The following CSN1S1 variants were observed in gnomAD, a reference collection of about 807,000 sequenced individuals.
CSN1S1 encodes the protein casein alpha s1, also known as alpha-S1-casein.
Under a neutral mutation model 49.1 loss-of-function variants are expected in CSN1S1, and 63 were observed. The observed-to-expected ratio is 1.28, with a 90% confidence interval of 1.05 to 1.58. The LOEUF (loss-of-function observed/expected upper bound fraction) is 1.58, where lower values mean the gene tolerates loss of function less well. Ranked by LOEUF, CSN1S1 falls within the 40% of genes most tolerant of loss-of-function variation. CSN1S1 has a pLI of 0.00. For missense variants in CSN1S1, 260 were observed against 224.7 expected, an observed-to-expected ratio of 1.16 and a Z score of -1.01; for synonymous variants, 78 against 67.1, an observed-to-expected ratio of 1.16 and a Z score of -0.79.
At chr4:69,933,441 C>G (rs1256319467) in intron 2 of CSN1S1, among the ~76,000 whole-genome samples, 2 of 151,940 alleles carry the variant, frequency 1.3e-5, no homozygotes, top group Non-Finnish European at 2.9e-5. Flanking sequence ...TCTCTAAATT[C>G]TCCTTTGGAA....
At chr4:69,939,017 C>T (rs1722892551) in intron 9 of CSN1S1, among the ~76,000 whole-genome samples, 159 bp from the exon 10 acceptor site, 1 of 151,728 alleles carries the variant, frequency 6.6e-6, no homozygotes, top group Non-Finnish European at 1.5e-5. Context: ...AAAATTCACA[C>T]TCCAAGAAAA....
At chr4:69,939,983 G>A (rs191775048) in intron 10 of CSN1S1, 38 bp from the exon 11 acceptor site, 39 of 1,211,690 alleles carry the variant, frequency 3.2e-5, no homozygotes, top group East Asian at 3.1e-4. Flanking sequence ...AATTAATGTC[G>A]TGAAATTAAA....
chr4:69,943,622 T>A (rs1723054350), intron 14 of CSN1S1, among the ~76,000 whole-genome samples: 1 of 152,076 alleles, frequency 6.6e-6, no homozygotes, highest in South Asian at 2.1e-4. Flanking sequence ...TGTTTTGTGC[T>A]GCTATAGCGG....
In CSN1S1 at chr4:69,935,968, A is replaced by G; in HGVS notation, c.129+19A>G. The stretch of plus-strand genomic sequence containing the variant: ...AAGAGAGGTAAGAATGACTCCACAG[A>G]ATTTACCGTGCAATTAACAAAGAGA... On this transcript the variant is annotated intron_variant, in intron 5 of 15. Coordinates refer to ENST00000246891, the MANE Select transcript of CSN1S1 (RefSeq NM_001890.2). 6.5e-7 allele frequency: 1 copy of G among 1,531,630 alleles called. No homozygotes were observed. The highest frequency in any genetic ancestry group is 8.9e-7 in the Non-Finnish European group (1 of 1,129,656). 94.9% of individuals were successfully genotyped at this position (1,531,630 alleles called of 1,614,324 possible).
chr4:69,946,261 G>T lies in CSN1S1; in HGVS notation c.*65G>T. The T allele has an allele frequency of 2.2e-6, 1 of 457,328 alleles. No individual in the cohort carries two copies. The highest frequency in any genetic ancestry group is 4.3e-5 in the South Asian group (1 of 23,488). The allele number at this position is 457,328 out of a possible 1,614,324, so 28.3% of individuals were successfully genotyped here. On this transcript the variant is annotated 3_prime_UTR_variant, in exon 16 of 16. Coordinates refer to ENST00000246891, the MANE Select transcript of CSN1S1 (RefSeq NM_001890.2). ...GGAAAACCATCTTATCTGAAGACTG[G>T]ACTGTTGTTTTAGAATAGTAAAATC...
At position 69,941,010 on chromosome 4, in the gene CSN1S1, T is replaced by C; in HGVS notation, c.301-9T>C. The stretch of plus-strand genomic sequence containing the variant: ...CCAAGCAATTGAGAATATTTTTCTT[T>C]TTAAATAGGAACAGTTTTGTAGACT... On this transcript the variant is annotated splice_polypyrimidine_tract_variant and intron_variant, in intron 11 of 15. Coordinates refer to ENST00000246891, the MANE Select transcript of CSN1S1 (RefSeq NM_001890.2). The C allele has an allele frequency of 1.4e-6, 2 of 1,476,722 alleles. No homozygotes were observed. Among genetic ancestry groups the C allele is most frequent in the Non-Finnish European group, 1.9e-6 (2 of 1,079,032 alleles). 91.5% of individuals were successfully genotyped at this position (1,476,722 alleles called of 1,614,324 possible).
chr4:69,942,452 A>G (rs1473743759), intron 13 of CSN1S1, 84 bp from the exon 14 acceptor site: 2 of 1,039,226 alleles, frequency 1.9e-6, no homozygotes, highest in Non-Finnish European at 2.9e-6. Context: ...GAATGATGTT[A>G]TGTATACTTC....
Position 69,936,446 on chromosome 4 carries a change from T to C in CSN1S1, c.130-10T>C. 1 of 1,537,422 alleles carries C rather than the reference T, an allele frequency of 6.5e-7. No homozygotes were observed. Among genetic ancestry groups the C allele is most frequent in the East Asian group, 2.3e-5 (1 of 44,328 alleles). ...CTAATATTGTTTATGTTTTCTTTTTTATCCCTAAGGAATACATGAATGGTA... is the reference window on the plus strand; with the variant it reads ...CTAATATTGTTTATGTTTTCTTTTTCATCCCTAAGGAATACATGAATGGTA... On this transcript the variant is annotated splice_polypyrimidine_tract_variant and intron_variant, in intron 5 of 15. Transcript: ENST00000246891.
Position 69,938,813 on chromosome 4 carries a change from TA to T in CSN1S1, c.244-361del, listed in dbSNP as rs1722887402. 7.2e-5 allele frequency among the ~76,000 whole-genome samples: 11 copies of T among 151,878 alleles called. No homozygotes were observed. In the South Asian group the frequency reaches 2.3e-3, roughly 31 times the overall value. On this transcript the variant is annotated intron_variant, in intron 9 of 15. Coordinates refer to ENST00000246891, the MANE Select transcript of CSN1S1 (RefSeq NM_001890.2). The stretch of plus-strand genomic sequence containing the variant: ...CCAAGGACAGATGAGAACAGATGTT[TA>T]ACCCAGGGTTCTGGGTACCCAGCTA...
In CSN1S1 at chr4:69,936,451, C is replaced by T; in HGVS notation, c.130-5C>T. 2 of 1,544,084 alleles carry T rather than the reference C, an allele frequency of 1.3e-6. No individual in the cohort carries two copies. The highest frequency in any genetic ancestry group is 1.8e-6 in the Non-Finnish European group (2 of 1,120,504). ...ATTGTTTATGTTTTCTTTTTTATCC[C>T]TAAGGAATACATGAATGGTATGAAC... is the stretch of plus-strand genomic sequence containing the variant. On this transcript the variant is annotated splice_region_variant and splice_polypyrimidine_tract_variant and intron_variant, in intron 5 of 15. Transcript: ENST00000246891.
Position 69,934,357 on chromosome 4 carries a change from TTTC to T in CSN1S1, c.84+116_84+118del, listed in dbSNP as rs201048691. 3 of 1,038,702 alleles carry T rather than the reference TTTC, an allele frequency of 2.9e-6. No individual in the cohort carries two copies. In the East Asian group the frequency reaches 7.4e-5, roughly 25 times the overall value. 64.3% of individuals were successfully genotyped at this position (1,038,702 alleles called of 1,614,324 possible). ...CTGCTTCACTTTTGCTGACGCATCA[TTTC>T]TTTAGTTCAAGCACTGTCAGATGGT... On this transcript the variant is annotated intron_variant, in intron 3 of 15. Coordinates refer to ENST00000246891, the MANE Select transcript of CSN1S1 (RefSeq NM_001890.2).
rs10011226 is a variant in CSN1S1 at position 69,935,723 on chromosome 4, C to A, written c.106-203C>A. On this transcript the variant is annotated intron_variant, in intron 4 of 15. Transcript: ENST00000246891. ...AAACACTCTGCTCTCCTTTCCGTGA[C>A]GTATGTAGAGGTTTACAATTTCCTC... is the stretch of plus-strand genomic sequence containing the variant. 2.2e-3 allele frequency among the ~76,000 whole-genome samples: 339 copies of A among 152,144 alleles called. 2 individuals carry two copies. Among genetic ancestry groups the A allele is most frequent in the African/African-American group, 7.7e-3 (320 of 41,526 alleles).
chr4:69,934,615 T>A (rs772764928), intron 3 of CSN1S1, 75 bp from the exon 4 acceptor site: 4 of 1,393,974 alleles, frequency 2.9e-6, no homozygotes, highest in South Asian at 1.2e-5. Flanking sequence ...ACCACAACTT[T>A]CTATGAGCAC....
intron 7 of CSN1S1, 150 bp downstream of exon 7, chr4:69,936,757 T>G: frequency 5.9e-6 from 4 of 683,168 alleles, no homozygotes; most frequent in South Asian, 4.2e-5. Flanking sequence ...TAATGGAGTC[T>G]GCTGAGAATT....
intron 4 of CSN1S1, 148 bp from the exon 5 acceptor site, chr4:69,935,777 TA>T (rs568806671): frequency 1.6e-6 from 1 of 642,314 alleles, no homozygotes; most frequent in South Asian, 1.8e-5. Flanking sequence ...CTCTTAACTA[TA>T]AATAATACAT....
In CSN1S1 at chr4:69,937,102, T is replaced by C; in HGVS notation, c.196-19T>C. Reference sequence around the variant, plus strand: ...TTCTTAACAATCTGTCATACCTAACTGATTGACTGTCTTGGCAGGATACTA... The same window carrying C: ...TTCTTAACAATCTGTCATACCTAACCGATTGACTGTCTTGGCAGGATACTA... On this transcript the variant is annotated intron_variant, in intron 7 of 15. Coordinates refer to ENST00000246891, the MANE Select transcript of CSN1S1 (RefSeq NM_001890.2). The C allele has an allele frequency of 1.3e-6, 2 of 1,536,140 alleles. No homozygotes were observed. The highest frequency in any genetic ancestry group is 1.8e-6 in the Non-Finnish European group (2 of 1,138,914).
At chr4:69,931,620 G>C (rs1722609851) in intron 1 of CSN1S1, among the ~76,000 whole-genome samples, 1 of 151,794 alleles carries the variant, frequency 6.6e-6, no homozygotes, top group Non-Finnish European at 1.5e-5. Flanking sequence ...ATTAAATTTA[G>C]ATATTCAGAA....
intron 15 of CSN1S1, 70 bp from the exon 16 acceptor site, chr4:69,946,126 C>A: frequency 2.3e-6 from 1 of 436,186 alleles, no homozygotes; most frequent in Non-Finnish European, 4.3e-6. Flanking sequence ...ACGTGTTCTA[C>A]CATAAGAGCT....
chr4:69,931,386 C>T (rs1166122878), intron 1 of CSN1S1, among the ~76,000 whole-genome samples: 9 of 151,828 alleles, frequency 5.9e-5, no homozygotes, highest in Admixed American at 3.9e-4. Flanking sequence ...TACATAATTT[C>T]AGTAGAGGCT....
Sources: gnomAD v4.1 joint callset for allele counts (sites outside exome capture counted in the v4.1 genomes callset) on GRCh38, gnomAD v4.1.1 for gene constraint, MANE v1.5 for transcripts, NCBI Gene and HGNC (gene_info 2026-07-23, HGNC 2026-07-21) for gene names.